GAS7: variants seen among roughly 807,000 people sequenced by gnomAD.
GAS7 encodes the protein growth arrest-specific protein 7.
Under a neutral mutation model 71.1 loss-of-function variants are expected in GAS7, and 28 were observed. The observed-to-expected ratio is 0.39, with a 90% CI of 0.29 to 0.54. The LOEUF (loss-of-function observed/expected upper bound fraction) is 0.54. Ranked by LOEUF, GAS7 falls within the 20% of genes least tolerant of loss-of-function variation. The probability of loss-of-function intolerance (pLI) is 0.62; values close to 1 mark genes in which losing one functional copy is unlikely to be tolerated. For missense variants in GAS7, 436 were observed against 627.8 expected (o/e 0.69, Z 3.27); for synonymous variants, 258 against 245.8 (o/e 1.05, Z -0.46).
chr17:10,109,528 A>G lies in GAS7; in HGVS notation c.183+88680T>C, dbSNP rs1358963731. 4.6e-5 allele frequency among the ~76,000 whole-genome samples: 7 copies of G among 152,268 alleles called. No homozygotes were observed. The East Asian group carries it at 1.3e-3, about 29-fold the overall frequency. On this transcript the variant is annotated intron_variant, in intron 1 of 13. Coordinates refer to ENST00000432992, the MANE Select transcript of GAS7 (RefSeq NM_201433.2). ...AATTGGTACAGCCACTGGGGAAACCAGTACAGAGACTTCTCAGAAAACTAA... is the reference window on the plus strand; with the variant it reads ...AATTGGTACAGCCACTGGGGAAACCGGTACAGAGACTTCTCAGAAAACTAA...
At chr17:10,118,237 G>T (rs972846249) in intron 1 of GAS7, among the ~76,000 whole-genome samples, 2 of 152,152 alleles carry the variant, frequency 1.3e-5, no homozygotes, top group African/African-American at 4.8e-5. Flanking sequence ...TCTCAGCCAG[G>T]TATTTTTCCG....
chr17:10,165,857 G>A (rs1165275634), intron 1 of GAS7, among the ~76,000 whole-genome samples: 2 of 152,058 alleles, frequency 1.3e-5, no homozygotes, highest in African/African-American at 4.8e-5. Flanking sequence ...CTTTCACCTT[G>A]CCCCATCCAA....
chr17:10,153,038 C>CAAAAAAAAAAAAAA (rs397857973), intron 1 of GAS7, among the ~76,000 whole-genome samples: 1 of 76,026 alleles, frequency 1.3e-5, no homozygotes, highest in African/African-American at 4.4e-5. Flanking sequence ...ACTAAAAATA[C>CAAAAAAAAAAAAAA]AAAAAAAAAA....
At chr17:9,995,035 C>G (rs931957396) in intron 2 of GAS7, among the ~76,000 whole-genome samples, 70 of 152,322 alleles carry the variant, frequency 4.6e-4, no homozygotes, top group African/African-American at 1.7e-3. Context: ...AGTCCCTGTG[C>G]TCCTTGTCAA....
intron 1 of GAS7, among the ~76,000 whole-genome samples, chr17:10,096,929 A>G (rs542480763): frequency 1.4e-5 from 2 of 146,332 alleles, no homozygotes; most frequent in Non-Finnish European, 3.0e-5. Context: ...CGAGGCTGCA[A>G]TTTCCTTCCT....
rs529378267 is a variant in GAS7, at chr17:10,058,621, G to A, written c.184-38724C>T. On this transcript the variant is annotated intron_variant, in intron 1 of 13. Transcript: ENST00000432992. ...CTGGCTGGGCCAGTGTTCTGATACCGGTGCCATCCTCTCCCAGACTCAGGA... is the reference window on the plus strand; with the variant it reads ...CTGGCTGGGCCAGTGTTCTGATACCAGTGCCATCCTCTCCCAGACTCAGGA... Among the ~76,000 whole-genome samples the A allele has an allele frequency of 2.1e-3, 314 of 152,234 alleles. 3 individuals are homozygous for A. Among genetic ancestry groups the A allele is most frequent in the African/African-American group, 6.4e-3 (265 of 41,536 alleles).
intron 5 of GAS7, among the ~76,000 whole-genome samples, chr17:9,955,560 A>T (rs1041116789): frequency 6.6e-6 from 1 of 152,228 alleles, no homozygotes; most frequent in Non-Finnish European, 1.5e-5. Context: ...CTTATGCAAG[A>T]TCACACAGTT....
At chr17:10,047,275 G>A (rs2072990767) in intron 1 of GAS7, among the ~76,000 whole-genome samples, 1 of 152,182 alleles carries the variant, frequency 6.6e-6, no homozygotes, top group African/African-American at 2.4e-5. Flanking sequence ...GAGTTTTCAT[G>A]TTCTCCATCA....
Position 9,916,262 on chromosome 17 carries a change from G to A in GAS7, c.*966C>T, listed in dbSNP as rs2067578560. On this transcript the variant is annotated 3_prime_UTR_variant, in exon 14 of 14. Transcript: ENST00000432992. ...CCCGGCCCCATTAAGAGCCTGTGGT[G>A]GGCGGCCCGGGAGAGTGGGGGCCAG... The A allele has an allele frequency of 4.3e-6, 1 of 233,160 alleles. No individual in the cohort carries two copies. Among genetic ancestry groups the A allele is most frequent in the South Asian group, 1.8e-4 (1 of 5,534 alleles). 14.4% of individuals were successfully genotyped at this position (233,160 alleles called of 1,614,324 possible). A position where few individuals can be genotyped will look rare whatever the true frequency, so the allele number is the denominator to read the frequency against.
At chr17:9,931,244 T>C (rs16959033) in intron 9 of GAS7, among the ~76,000 whole-genome samples, 5,714 of 152,278 alleles carry the variant, frequency 0.038, 287 homozygotes, top group African/African-American at 0.092. Context: ...CTGTGAAATG[T>C]GTATGCTATC....
chr17:10,040,462 G>A (rs1291809071), intron 1 of GAS7, among the ~76,000 whole-genome samples: 1 of 152,178 alleles, frequency 6.6e-6, no homozygotes, highest in Non-Finnish European at 1.5e-5. Flanking sequence ...TCTGAGCCAG[G>A]GAGAAGTCAC....
intron 1 of GAS7, among the ~76,000 whole-genome samples, chr17:10,087,483 T>C (rs1028425411): frequency 1.3e-5 from 2 of 152,242 alleles, no homozygotes; most frequent in African/African-American, 4.8e-5. Context: ...CATGGTTGCA[T>C]GCTGCAGACA....
At chr17:10,091,138 T>C (rs576913576) in intron 1 of GAS7, among the ~76,000 whole-genome samples, 1 of 152,180 alleles carries the variant, frequency 6.6e-6, no homozygotes, top group South Asian at 2.1e-4. Context: ...ATTCATCCTC[T>C]ACCCAGCAGC....
chr17:10,079,466 A>T (rs1315786822), intron 1 of GAS7, among the ~76,000 whole-genome samples: 2 of 152,142 alleles, frequency 1.3e-5, no homozygotes, highest in African/African-American at 4.8e-5. Flanking sequence ...AAATACTTAC[A>T]ACCTATTCTC....
intron 1 of GAS7, among the ~76,000 whole-genome samples, chr17:10,166,745 C>T (rs2074296831): frequency 1.3e-5 from 2 of 152,126 alleles, no homozygotes; most frequent in African/African-American, 2.4e-5. Flanking sequence ...AGTGAAAATA[C>T]AAGATGATAA....
At chr17:10,187,343 T>C (rs886120658) in intron 1 of GAS7, among the ~76,000 whole-genome samples, 1 of 152,170 alleles carries the variant, frequency 6.6e-6, no homozygotes, top group African/African-American at 2.4e-5. Context: ...GAGATTGCTG[T>C]GGTGGCATAA....
rs1325240094 is a variant in GAS7 at position 9,925,595 on chromosome 17, C to T, written c.1019G>A (p.Arg340Gln). 1.1e-5 allele frequency: 17 copies of T among 1,614,152 alleles called. No individual in the cohort carries two copies. Among genetic ancestry groups the T allele is most frequent in the South Asian group, 2.2e-5 (2 of 91,080 alleles). ...ASRYASVEKA[R>Q]KALTERQRDL... ...TCTCTGCCGCTCTGTGAGGGCTTTC[C>T]GGGCCTGGGGTCCAAGGACACGGAG... The change falls in exon 11 of 14, where the codon CGG becomes CAG. Residue 340 changes from arginine (R) to glutamine (Q), a missense_variant. Coordinates refer to ENST00000432992, the MANE Select transcript of GAS7 (RefSeq NM_201433.2).
At chr17:10,070,337 TCTTC>T (rs1388900728) in intron 1 of GAS7, among the ~76,000 whole-genome samples, 1 of 133,466 alleles carries the variant, frequency 7.5e-6, no homozygotes, top group African/African-American at 2.6e-5. Context: ...TCGTTCTCTC[TCTTC>T]TTTTTTTTTT....
In GAS7 at chr17:10,005,069, G is replaced by A. The variant is rs1390544458; in HGVS notation, c.304+14708C>T. Among the ~76,000 whole-genome samples the A allele has an allele frequency of 6.6e-3, 879 of 133,638 alleles. 3 individuals are homozygous for A. The highest frequency in any genetic ancestry group is 0.047 in the South Asian group (205 of 4,354). 87.7% of individuals were successfully genotyped at this position (133,638 alleles called of 152,430 possible). On this transcript the variant is annotated intron_variant, in intron 2 of 13. Transcript: ENST00000432992. ...TATATATACACATATATGTGTGTAT[G>A]CACGCATACATGCGTGTGTGCACGC...
Sources: gnomAD v4.1 joint callset for allele counts (sites outside exome capture counted in the v4.1 genomes callset) on GRCh38, gnomAD v4.1.1 for gene constraint, MANE v1.5 for transcripts, NCBI Gene and HGNC (gene_info 2026-07-23, HGNC 2026-07-21) for gene names.